The following GLCCI1 variants were observed in gnomAD, a reference collection of about 807,000 sequenced individuals.
GLCCI1 encodes the protein glucocorticoid-induced transcript 1 protein.
GLCCI1 carries 24 observed loss-of-function variants against 52.2 expected under a neutral mutation model. The ratio of observed to expected loss-of-function variants is 0.46; its 90% CI spans 0.33 to 0.65. GLCCI1 has a LOEUF of 0.65. GLCCI1 is among the 30% of genes least tolerant of loss of function. The pLI, the probability that GLCCI1 is intolerant of heterozygous loss-of-function variation, is 0.02. For missense variants in GLCCI1, 704 were observed against 701.5 expected (o/e 1.00, Z -0.04); for synonymous variants, 310 against 276.5 (o/e 1.12, Z -1.20).
rs563089635 is a variant in GLCCI1, at chr7:8,026,933, C to G, written c.696+4364C>G. On this transcript the variant is annotated intron_variant, in intron 3 of 7. Transcript: ENST00000223145. ...AAGACCTCCAAGATGGTAGGTATAA[C>G]TCTACAAATCTGAAAAAAACACAGT... Among the ~76,000 whole-genome samples, 11 of 152,322 alleles carry G rather than the reference C, an allele frequency of 7.2e-5. No homozygotes were observed. In the South Asian group the frequency reaches 1.2e-3, roughly 17 times the overall value.
chr7:8,004,767 A>G (rs779941024), intron 2 of GLCCI1, among the ~76,000 whole-genome samples: 14 of 152,240 alleles, frequency 9.2e-5, no homozygotes, highest in Non-Finnish European at 2.1e-4. Flanking sequence ...TTGGTAAAAG[A>G]AGACAGTGTA....
Position 7,969,753 on chromosome 7 carries a change from C to T in GLCCI1, c.403C>T (p.His135Tyr). 6.8e-7 allele frequency: 1 copy of T among 1,478,100 alleles called. No homozygotes were observed. The highest frequency in any genetic ancestry group is 8.9e-7 in the Non-Finnish European group (1 of 1,118,460). 91.6% of individuals were successfully genotyped at this position (1,478,100 alleles called of 1,614,324 possible). A position where few individuals can be genotyped will look rare whatever the true frequency, so the allele number is the denominator to read the frequency against. The change falls in exon 1 of 8, where the codon CAC (histidine) becomes TAC (tyrosine). Residue 135 changes from histidine (H) to tyrosine (Y), a missense_variant. Physicochemically the swap from His to Tyr is moderately conservative, Grantham distance 83. Transcript: ENST00000223145. The surrounding 1 kb of genome is among the most constrained non-coding windows in gnomAD (Gnocchi z 4.9). The part of the protein sequence containing the change: ...KGRPRRSPES[H>Y]RRSSSPERRS... ...CCGCCCGAGACGGTCCCCAGAGAGC[C>T]ACCGGAGGAGCAGCTCACCTGAGAG...
intron 2 of GLCCI1, among the ~76,000 whole-genome samples, chr7:8,016,478 CA>C (rs561377357): frequency 3.3e-5 from 5 of 151,266 alleles, no homozygotes; most frequent in Non-Finnish European, 7.4e-5. Flanking sequence ...CAAAAACAAA[CA>C]AAAAAAACCA....
chr7:8,077,248 T>G (rs1364077577), intron 6 of GLCCI1, among the ~76,000 whole-genome samples: 1 of 152,204 alleles, frequency 6.6e-6, no homozygotes, highest in Non-Finnish European at 1.5e-5. Context: ...CATTATCTTT[T>G]GTGTTCCTCT....
At chr7:7,973,569 G>C (rs1358669006) in intron 1 of GLCCI1, among the ~76,000 whole-genome samples, 1 of 152,054 alleles carries the variant, frequency 6.6e-6, no homozygotes, top group African/African-American at 2.4e-5. Context: ...CAAAAACATG[G>C]AAGAGCTTGT....
Position 7,969,474 on chromosome 7 carries a change from G to C in GLCCI1, c.124G>C (p.Gly42Arg), listed in dbSNP as rs1021717468. The C allele has an allele frequency of 1.1e-4, 120 of 1,061,514 alleles. No individual in the cohort carries two copies. Among genetic ancestry groups the C allele is most frequent in the Non-Finnish European group, 1.2e-4 (108 of 882,220 alleles). The allele number at this position is 1,061,514 out of a possible 1,614,324, so 65.8% of individuals were successfully genotyped here. A position where few individuals can be genotyped will look rare whatever the true frequency, so the allele number is the denominator to read the frequency against. Residue 42 changes from glycine to arginine, a missense_variant, in exon 1 of 8, where the codon GGT becomes CGT. Gly to Arg is a moderately radical substitution (Grantham distance 125). Around this residue, in one of 3 missense-constraint regions of GLCCI1, gnomAD observed 547 missense variants for 524.8 expected, o/e 1.04. Coordinates refer to ENST00000223145, the MANE Select transcript of GLCCI1 (RefSeq NM_138426.4). This position sits in a 1 kb window ranked among gnomAD's most constrained non-coding sequence, Gnocchi z 4.9. ...PAVAAAGSGN[G>R]AGGGGGVGCA... ...CGTCGCCGCCGCCGGGAGCGGGAAC[G>C]GTGCGGGCGGCGGCGGCGGCGTGGG... is the stretch of plus-strand genomic sequence containing the variant.
chr7:8,084,312 A>T (rs1366069679), intron 6 of GLCCI1, among the ~76,000 whole-genome samples: 1 of 152,222 alleles, frequency 6.6e-6, no homozygotes, highest in Non-Finnish European at 1.5e-5. Context: ...CTGCTGAAAA[A>T]GCCCTTTTAT....
At chr7:8,077,973 G>T (rs1026800840) in intron 6 of GLCCI1, among the ~76,000 whole-genome samples, 2 of 151,936 alleles carry the variant, frequency 1.3e-5, no homozygotes, top group East Asian at 1.9e-4. Flanking sequence ...GGTGGCTCAC[G>T]CCTGTAATCC....
At chr7:7,987,931 T>C (rs1336492761) in intron 1 of GLCCI1, among the ~76,000 whole-genome samples, 2 of 152,156 alleles carry the variant, frequency 1.3e-5, no homozygotes, top group Non-Finnish European at 2.9e-5. Context: ...AAACTCACTA[T>C]CTTTGTATGA....
At chr7:8,025,841 A>G (rs967489433) in intron 3 of GLCCI1, among the ~76,000 whole-genome samples, 11 of 152,240 alleles carry the variant, frequency 7.2e-5, no homozygotes, top group African/African-American at 2.4e-4. Context: ...AAAACTGTCA[A>G]CCAGGTATTC....
At chr7:8,055,135 C>A (rs1782355669) in intron 3 of GLCCI1, among the ~76,000 whole-genome samples, 1 of 151,956 alleles carries the variant, frequency 6.6e-6, no homozygotes, top group Admixed American at 6.6e-5. Context: ...AAAAGGTTTT[C>A]AAAAAGGATA....
At chr7:8,083,058 A>G (rs1241144907) in intron 6 of GLCCI1, among the ~76,000 whole-genome samples, 2 of 152,218 alleles carry the variant, frequency 1.3e-5, no homozygotes, top group African/African-American at 4.8e-5. Flanking sequence ...CGTGTAGGCT[A>G]AGTTATGTCC....
intron 1 of GLCCI1, among the ~76,000 whole-genome samples, chr7:7,989,286 T>G (rs149059140): frequency 5.3e-5 from 8 of 152,298 alleles, no homozygotes; most frequent in African/African-American, 1.9e-4. Flanking sequence ...CCTTGGGAGT[T>G]CCTCTCTTTC....
chr7:8,068,751 C>T (rs1358707529), intron 5 of GLCCI1, among the ~76,000 whole-genome samples: 12 of 152,194 alleles, frequency 7.9e-5, no homozygotes, highest in Non-Finnish European at 1.8e-4. Context: ...GGTTCTTTCT[C>T]ACCTGTGTGG....
intron 3 of GLCCI1, among the ~76,000 whole-genome samples, chr7:8,041,886 G>C (rs10278791): frequency 0.61 from 92,688 of 152,016 alleles, 29,025 homozygotes; most frequent in African/African-American, 0.77. Context: ...GCCACCACAC[G>C]CAGCTGCAGC....
In GLCCI1 at chr7:8,084,915, C is replaced by T; in HGVS notation, c.1196C>T (p.Pro399Leu). ...TTTACAGACAGTGGGAGTAGCTCACCGTTACCCAAGTATGCTTCATCTCCC... is the reference window on the plus strand; with the variant it reads ...TTTACAGACAGTGGGAGTAGCTCACTGTTACCCAAGTATGCTTCATCTCCC... ...DRDKDSGSSS[P>L]LPKYASSPKP... is the part of the protein sequence containing the mutation. Residue 399 changes from proline (P) to leucine (L), a missense_variant, in exon 7 of 8, where the codon CCG becomes CTG. This residue lies in a region of GLCCI1 where 547 missense variants were observed against 524.8 expected (regional missense o/e 1.04). Transcript: ENST00000223145. 1.9e-6 allele frequency: 3 copies of T among 1,613,956 alleles called. No homozygotes were observed. Among genetic ancestry groups the T allele is most frequent in the Non-Finnish European group, 2.5e-6 (3 of 1,179,924 alleles).
At chr7:8,076,358 G>A (rs1289339880) in intron 6 of GLCCI1, among the ~76,000 whole-genome samples, 1 of 152,114 alleles carries the variant, frequency 6.6e-6, no homozygotes, top group Non-Finnish European at 1.5e-5. Flanking sequence ...GGACCTTTTG[G>A]TGGTAAAATT....
At chr7:8,001,944 C>CA (rs1317001403) in intron 1 of GLCCI1, among the ~76,000 whole-genome samples, 5 of 152,086 alleles carry the variant, frequency 3.3e-5, no homozygotes. Flanking sequence ...CAGGGCCTCT[C>CA]ATAGGGTGGG....
chr7:8,078,201 T>C (rs1782916633), intron 6 of GLCCI1, among the ~76,000 whole-genome samples: 1 of 105,232 alleles, frequency 9.5e-6, no homozygotes, highest in Non-Finnish European at 1.8e-5. Flanking sequence ...AGTGCGAGAC[T>C]CCGTCTTAAA....
Sources: allele counts gnomAD v4.1 joint callset (sites outside exome capture counted in the v4.1 genomes callset), GRCh38; gene constraint gnomAD v4.1.1; regional missense constraint gnomAD v4.1.1; non-coding constraint Gnocchi (gnomAD v3.1); transcripts MANE v1.5; gene names NCBI Gene and HGNC (gene_info 2026-07-23, HGNC 2026-07-21).